Variants in KLHL5 observed in about 807,000 individuals in gnomAD.
The protein encoded by KLHL5 is kelch like family member 5, also known as kelch-like protein 5.
KLHL5 carries 48 observed loss-of-function variants against 77.7 expected under a neutral mutation model. The ratio of observed to expected loss-of-function variants is 0.62; its 90% CI spans 0.49 to 0.79. The LOEUF (loss-of-function observed/expected upper bound fraction) is 0.79, where lower values mean the gene tolerates loss of function less well. Ranked by LOEUF, KLHL5 falls within the 30% of genes least tolerant of loss-of-function variation. KLHL5 has a pLI of 0.00. For synonymous variants in KLHL5, 260 were observed against 297.0 expected (o/e 0.88, Z 1.28); for missense variants, 723 against 859.7 (o/e 0.84, Z 1.99).
chr4:39,110,193 A>G (rs1722352310), intron 8 of KLHL5, among the ~76,000 whole-genome samples: 1 of 152,226 alleles, frequency 6.6e-6, no homozygotes, highest in African/African-American at 2.4e-5. Context: ...ATATTTACTT[A>G]TTATAAAAAT....
intron 6 of KLHL5, among the ~76,000 whole-genome samples, chr4:39,101,996 A>C (rs1347058974): frequency 6.7e-6 from 1 of 149,804 alleles, no homozygotes. Context: ...ATATATATGC[A>C]TGCAGAGGTA....
intron 7 of KLHL5, among the ~76,000 whole-genome samples, chr4:39,104,028 G>A (rs761724650): frequency 4.7e-4 from 67 of 143,148 alleles, no homozygotes; most frequent in Non-Finnish European, 7.9e-4. Context: ...GTTGAGTTTA[G>A]ATAGTATGGT....
intron 6 of KLHL5, among the ~76,000 whole-genome samples, chr4:39,103,013 T>TAA (rs1721725991): frequency 6.6e-6 from 1 of 152,112 alleles, no homozygotes; most frequent in Admixed American, 6.6e-5. Flanking sequence ...TGCTTTTTTC[T>TAA]CCCCCGCTTC....
At chr4:39,129,251 A>C (rs1256554148), downstream of KLHL5, among the ~76,000 whole-genome samples, 2 of 146,664 alleles carry the variant, frequency 1.4e-5, no homozygotes, top group Non-Finnish European at 3.0e-5. This position sits in a 1 kb window ranked among gnomAD's most constrained non-coding sequence, Gnocchi z 4.2. Context: ...GGCATTGCCC[A>C]GGCTGGAGTG....
chr4:39,084,486 A>C (rs1048827500), intron 4 of KLHL5, among the ~76,000 whole-genome samples: 5 of 152,242 alleles, frequency 3.3e-5, no homozygotes, highest in African/African-American at 7.2e-5. Flanking sequence ...AAGACTTATA[A>C]AAAACATTGA....
At chr4:39,068,524 G>A (rs1255220171) in intron 1 of KLHL5, among the ~76,000 whole-genome samples, 1 of 151,616 alleles carries the variant, frequency 6.6e-6, no homozygotes, top group Non-Finnish European at 1.5e-5. Flanking sequence ...TCTGTATGCT[G>A]CATCCATCAA....
chr4:39,109,903 C>T (rs954877177), intron 8 of KLHL5, among the ~76,000 whole-genome samples: 1 of 151,952 alleles, frequency 6.6e-6, no homozygotes, highest in African/African-American at 2.4e-5. Context: ...CCAGGCTGGT[C>T]TCAAACTCCT....
intron 8 of KLHL5, among the ~76,000 whole-genome samples, chr4:39,110,041 AAGC>A (rs760366004): frequency 1.2e-4 from 19 of 152,292 alleles, no homozygotes; most frequent in Non-Finnish European, 2.5e-4. Flanking sequence ...GGCTACCTTT[AAGC>A]CACTGGCTGG....
chr4:39,093,357 C>T (rs976318111), intron 5 of KLHL5: 1 of 454,066 alleles, frequency 2.2e-6, no homozygotes, highest in African/African-American at 2.0e-5. Context: ...TGAGGATCAA[C>T]AGTAAATGGG....
At chr4:39,048,795 C>G (rs927108366) in intron 1 of KLHL5, among the ~76,000 whole-genome samples, 1 of 151,954 alleles carries the variant, frequency 6.6e-6, no homozygotes, top group Non-Finnish European at 1.5e-5. Flanking sequence ...AGGCGCCCAC[C>G]ACCATGCCTG....
chr4:39,109,487 C>T (rs200001474), intron 8 of KLHL5, among the ~76,000 whole-genome samples: 1 of 151,852 alleles, frequency 6.6e-6, no homozygotes, highest in Admixed American at 6.6e-5. Flanking sequence ...TTTGTAGAGA[C>T]GGGGTTTCAC....
chr4:39,053,007 T>C (rs1716768120), intron 1 of KLHL5, among the ~76,000 whole-genome samples: 1 of 152,194 alleles, frequency 6.6e-6, no homozygotes, highest in South Asian at 2.1e-4. Context: ...TTTGCTGAAG[T>C]TAAATTATTG....
chr4:39,112,719 C>T (rs1402507305), intron 8 of KLHL5: 3 of 324,370 alleles, frequency 9.2e-6, no homozygotes, highest in East Asian at 6.9e-5. Flanking sequence ...ATTTTAACAC[C>T]TCTGAATTTC....
chr4:39,064,795 A>C (rs1220417566), intron 1 of KLHL5, among the ~76,000 whole-genome samples: 2 of 152,146 alleles, frequency 1.3e-5, no homozygotes, highest in Admixed American at 1.3e-4. Context: ...AGAGATTGCT[A>C]TGTGCATTCT....
chr4:39,061,741 A>T (rs1466265009), upstream of KLHL5, among the ~76,000 whole-genome samples: 1 of 152,208 alleles, frequency 6.6e-6, no homozygotes, highest in Non-Finnish European at 1.5e-5. Context: ...GTAATGTCAT[A>T]GAAATTTGGA....
upstream of KLHL5, among the ~76,000 whole-genome samples, chr4:39,059,752 A>C (rs1717258103): frequency 6.6e-6 from 1 of 152,118 alleles, no homozygotes; most frequent in African/African-American, 2.4e-5. Flanking sequence ...ATAAAAAATT[A>C]GCTGGACATG....
chr4:39,086,683 A>C lies in KLHL5; in HGVS notation c.1069A>C (p.Ser357Arg). The C allele has an allele frequency of 6.2e-7, 1 of 1,614,028 alleles. No individual in the cohort carries two copies. ...HDLEQRRKDL[S>R]KLLAYIRLPL... is the part of the protein sequence containing the mutation. Reference sequence around the variant, plus strand: ...TTTGGAACAGAGACGGAAAGATCTAAGTAAACTTTTGGCTTATATTAGGCT... The same window carrying C: ...TTTGGAACAGAGACGGAAAGATCTACGTAAACTTTTGGCTTATATTAGGCT... The change falls in exon 5 of 11, where the codon AGT (serine) becomes CGT (arginine). Residue 357 changes from serine (S) to arginine (R), a missense_variant. By Grantham distance (110) the Ser-to-Arg change is moderately radical. Around this residue, in one of 3 missense-constraint regions of KLHL5, gnomAD observed 288 missense variants for 400.3 expected, o/e 0.72. Transcript: ENST00000504108.
At chr4:39,045,012 C>A, upstream of KLHL5, 6 of 994,110 alleles carry the variant, frequency 6.0e-6, no homozygotes, top group Non-Finnish European at 7.2e-6. Flanking sequence ...CTCAGCTCGC[C>A]GGCCCCGGCC....
At chr4:39,054,395 G>A (rs1240583307) in intron 1 of KLHL5, among the ~76,000 whole-genome samples, 3 of 152,164 alleles carry the variant, frequency 2.0e-5, no homozygotes, top group Admixed American at 2.0e-4. Flanking sequence ...GGAGTGGTGG[G>A]CTGGGGGCAG....
Sources: allele counts gnomAD v4.1 joint callset (sites outside exome capture counted in the v4.1 genomes callset), GRCh38; gene constraint gnomAD v4.1.1; regional missense constraint gnomAD v4.1.1; non-coding constraint Gnocchi (gnomAD v3.1); transcripts MANE v1.5; gene names NCBI Gene and HGNC (gene_info 2026-07-23, HGNC 2026-07-21).